JRK: variants seen among roughly 807,000 people sequenced by gnomAD.
JRK encodes the protein jerky protein homolog.
For synonymous variants in JRK, 303 were observed against 218.1 expected (o/e 1.39, Z -3.43); for missense variants, 720 against 509.2 (o/e 1.41, Z -3.98).
rs2129693753 is a variant in JRK at position 142,659,435 on chromosome 8, C to T, written c.*4917G>A. 1.0e-6 allele frequency: 1 copy of T among 986,286 alleles called. No homozygotes were observed. Among genetic ancestry groups the T allele is most frequent in the Middle Eastern group, 5.2e-4 (1 of 1,912 alleles). 61.1% of individuals were successfully genotyped at this position (986,286 alleles called of 1,614,324 possible). A position where few individuals can be genotyped will look rare whatever the true frequency, so the allele number is the denominator to read the frequency against. On this transcript the variant is annotated 3_prime_UTR_variant, in exon 2 of 2. Transcript: ENST00000612905. The stretch of plus-strand genomic sequence containing the variant: ...CCTGCAGACATAGAGGGCCTTTGAG[C>T]ACCTCGTAGCTTGCTTCCCAGCCAG...
At chr8:142,669,682 T>C (rs1412374824) in intron 1 of JRK, among the ~76,000 whole-genome samples, 1 of 151,086 alleles carries the variant, frequency 6.6e-6, no homozygotes, top group African/African-American at 2.4e-5. Context: ...GGCCGCGCGC[T>C]CAGGCCGCGG....
At position 142,665,954 on chromosome 8, in the gene JRK, G is replaced by A. The variant is rs375007556; in HGVS notation, c.105C>T (p.Gly35=). 6.2e-5 allele frequency: 59 copies of A among 951,010 alleles called. No individual in the cohort carries two copies. The highest frequency in any genetic ancestry group is 8.7e-5 in the Non-Finnish European group (50 of 574,358). 58.9% of individuals were successfully genotyped at this position (951,010 alleles called of 1,614,324 possible). A position where few individuals can be genotyped will look rare whatever the true frequency, so the allele number is the denominator to read the frequency against. ...KIDICTRLEK[G]ESRKALMQEY... ...CCTGCATCAGTGCCTTCCGGCTCTC[G>A]CCCTTCTCCAGGCGCGTGCAGATGT... The change falls in exon 2 of 2, where the codon GGC becomes GGT. Residue 35 remains glycine (G), a synonymous_variant. Transcript: ENST00000612905.
chr8:142,662,263 A>G lies in JRK; in HGVS notation c.*2089T>C. ...TCTGACAGGGACAAGCCATGTCCAG[A>G]GGACTCAGGAGAGCCAGCCAGGAGC... On this transcript the variant is annotated 3_prime_UTR_variant, in exon 2 of 2. Coordinates refer to ENST00000612905, the MANE Select transcript of JRK (RefSeq NM_003724.4). 1.0e-6 allele frequency: 1 copy of G among 985,680 alleles called. No individual in the cohort carries two copies. The highest frequency in any genetic ancestry group is 1.7e-5 in the African/African-American group (1 of 57,376). 61.1% of individuals were successfully genotyped at this position (985,680 alleles called of 1,614,324 possible). A position where few individuals can be genotyped will look rare whatever the true frequency, so the allele number is the denominator to read the frequency against.
downstream of JRK, among the ~76,000 whole-genome samples, chr8:142,653,198 C>T (rs951417627): frequency 1.3e-5 from 2 of 152,310 alleles, no homozygotes; most frequent in Non-Finnish European, 2.9e-5. Flanking sequence ...GCCCTTCCCA[C>T]GACTAAGCCA....
chr8:142,659,246 GGCCCA>G lies in JRK; in HGVS notation c.*5101_*5105del. 9.1e-7 allele frequency: 1 copy of G among 1,104,162 alleles called. No individual in the cohort carries two copies. Among genetic ancestry groups the G allele is most frequent in the South Asian group, 2.9e-5 (1 of 34,382 alleles). The allele number at this position is 1,104,162 out of a possible 1,614,324, so 68.4% of individuals were successfully genotyped here. On this transcript the variant is annotated 3_prime_UTR_variant, in exon 2 of 2. Transcript: ENST00000612905. ...ACCCAAGACCTCGAGAGAGGAAATG[GGCCCA>G]GGGACATGCCTTGGCTTGGGGTGGC...
rs376598449 is a variant in JRK, at chr8:142,665,702, G to A, written c.357C>T (p.Phe119=). 1.3e-6 allele frequency: 1 copy of A among 750,140 alleles called. No individual in the cohort carries two copies. The highest frequency in any genetic ancestry group is 2.5e-5 in the East Asian group (1 of 39,622). 46.5% of individuals were successfully genotyped at this position (750,140 alleles called of 1,614,324 possible). A position where few individuals can be genotyped will look rare whatever the true frequency, so the allele number is the denominator to read the frequency against. ...GCTCAGTGAGCTGCATCTGCTCGTA[G>A]AAGTCCTTGGCCTTCTCGATGAGCA... The part of the protein sequence containing the change: ...GPMLIEKAKD[F]YEQMQLTEPC... The change falls in exon 2 of 2, where the codon TTC becomes TTT. Residue 119 remains phenylalanine, a synonymous_variant. Coordinates refer to ENST00000612905, the MANE Select transcript of JRK (RefSeq NM_003724.4).
In JRK at chr8:142,664,264, G is replaced by A; in HGVS notation, c.*88C>T. On this transcript the variant is annotated 3_prime_UTR_variant, in exon 2 of 2. Coordinates refer to ENST00000612905, the MANE Select transcript of JRK (RefSeq NM_003724.4). Reference sequence around the variant, plus strand: ...CTTGAGTGTCTGCACATGCCCTCCTGCCTCAGGTGGGGTCGGGGCACAGGA... The same window carrying A: ...CTTGAGTGTCTGCACATGCCCTCCTACCTCAGGTGGGGTCGGGGCACAGGA... The A allele has an allele frequency of 6.9e-7, 1 of 1,451,208 alleles. No homozygotes were observed. Among genetic ancestry groups the A allele is most frequent in the Non-Finnish European group, 9.1e-7 (1 of 1,099,398 alleles). The allele number at this position is 1,451,208 out of a possible 1,614,324, so 89.9% of individuals were successfully genotyped here. A position where few individuals can be genotyped will look rare whatever the true frequency, so the allele number is the denominator to read the frequency against.
chr8:142,646,266 T>A, the JRK span, among the ~76,000 whole-genome samples: 2 of 152,350 alleles, frequency 1.3e-5, no homozygotes, highest in East Asian at 3.9e-4. Flanking sequence ...GCCTTGAACC[T>A]CCAAGCTGTC....
At position 142,665,519 on chromosome 8, in the gene JRK, G is replaced by A. The variant is rs782617953; in HGVS notation, c.540C>T (p.Ala180=). The change falls in exon 2 of 2, where the codon GCC becomes GCT. Residue 180 remains alanine (A), a synonymous_variant. Transcript: ENST00000612905. ...RSLAAEHGLS[A]EQVYNADETG... ...TCTCATCAGCGTTGTAAACCTGCTC[G>A]GCGGACAGCCCGTGCTCAGCAGCCA... The A allele has an allele frequency of 1.1e-5, 8 of 718,156 alleles. No homozygotes were observed. The highest frequency in any genetic ancestry group is 1.6e-5 in the Non-Finnish European group (6 of 385,090). The allele number at this position is 718,156 out of a possible 1,614,324, so 44.5% of individuals were successfully genotyped here. A position where few individuals can be genotyped will look rare whatever the true frequency, so the allele number is the denominator to read the frequency against.
chr8:142,655,964 T>C (rs1304554324), downstream of JRK, among the ~76,000 whole-genome samples: 2 of 152,234 alleles, frequency 1.3e-5, no homozygotes, highest in East Asian at 1.9e-4. Flanking sequence ...TGAGGCAATA[T>C]TGGCTCACCC....
chr8:142,669,955 G>C lies in JRK; in HGVS notation c.-486C>G, dbSNP rs1458125453. On this transcript the variant is annotated 5_prime_UTR_variant, in exon 1 of 2. Coordinates refer to ENST00000612905, the MANE Select transcript of JRK (RefSeq NM_003724.4). ...ACCCTGCTCACCCGGAGCAGCCGCCGCCGGCCGGAAGTGCCGGCCACTCGG... is the reference window on the plus strand; with the variant it reads ...ACCCTGCTCACCCGGAGCAGCCGCCCCCGGCCGGAAGTGCCGGCCACTCGG... 6.5e-6 allele frequency: 1 copy of C among 153,628 alleles called. No individual in the cohort carries two copies. Among genetic ancestry groups the C allele is most frequent in the Non-Finnish European group, 1.5e-5 (1 of 68,812 alleles). The allele number at this position is 153,628 out of a possible 1,614,324, so 9.5% of individuals were successfully genotyped here.
chr8:142,644,003 T>A, the JRK span, among the ~76,000 whole-genome samples: 1 of 152,212 alleles, frequency 6.6e-6, no homozygotes, highest in African/African-American at 2.4e-5. Context: ...TTAACAACAT[T>A]TTAAGTGAAA....
Position 142,664,636 on chromosome 8 carries a change from C to T in JRK, c.1423G>A (p.Gly475Ser), listed in dbSNP as rs374395927. The stretch of plus-strand genomic sequence containing the variant: ...TCGCCCTCACCAGGATCTCCTCTGC[C>T]GTCCTGGTCAGCTTTCGGAGTCTTT... ...SEKTPKADQD[G>S]RGDPGEGEEV... The change falls in exon 2 of 2, where the codon GGC becomes AGC. Residue 475 changes from glycine (G) to serine (S), a missense_variant. Gly to Ser is a moderately conservative substitution (Grantham distance 56). Coordinates refer to ENST00000612905, the MANE Select transcript of JRK (RefSeq NM_003724.4). 2.3e-5 allele frequency: 37 copies of T among 1,611,364 alleles called. No homozygotes were observed. The highest frequency in any genetic ancestry group is 2.9e-5 in the Non-Finnish European group (34 of 1,179,358).
In JRK at chr8:142,660,799, C is replaced by CA; in HGVS notation, c.*3552dup. 2.0e-6 allele frequency: 2 copies of CA among 985,530 alleles called. No homozygotes were observed. The highest frequency in any genetic ancestry group is 2.4e-6 in the Non-Finnish European group (2 of 830,024). The allele number at this position is 985,530 out of a possible 1,614,324, so 61.0% of individuals were successfully genotyped here. A position where few individuals can be genotyped will look rare whatever the true frequency, so the allele number is the denominator to read the frequency against. ...CCCAAGTTGTCGCTGCCCTGTGCCA[C>CA]AGCCTCCCAAGAATGGATGCAGTCT... On this transcript the variant is annotated 3_prime_UTR_variant, in exon 2 of 2. Transcript: ENST00000612905.
chr8:142,654,267 T>G (rs1414494030), downstream of JRK, among the ~76,000 whole-genome samples: 1 of 152,146 alleles, frequency 6.6e-6, no homozygotes, highest in Non-Finnish European at 1.5e-5. Flanking sequence ...GCACACCTGC[T>G]GCCCTCCTGG....
chr8:142,654,170 T>C (rs73377797), downstream of JRK, among the ~76,000 whole-genome samples: 1,831 of 152,198 alleles, frequency 0.012, 34 homozygotes, highest in African/African-American at 0.042. Context: ...AAGGACACTG[T>C]TCTGTGGCCC....
rs1846789325 is a variant in JRK, at chr8:142,657,877, C to T, written c.*6475G>A. On this transcript the variant is annotated 3_prime_UTR_variant, in exon 2 of 2. Transcript: ENST00000612905. The stretch of plus-strand genomic sequence containing the variant: ...CAGACAGTTGAGCTGTTTCATTAGC[C>T]CTGATTTCCCTTCTCAACTAGTATG... The T allele has an allele frequency of 6.6e-6, 1 of 152,254 alleles. No homozygotes were observed. The highest frequency in any genetic ancestry group is 1.5e-5 in the Non-Finnish European group (1 of 68,054). 9.4% of individuals were successfully genotyped at this position (152,254 alleles called of 1,614,324 possible). A position where few individuals can be genotyped will look rare whatever the true frequency, so the allele number is the denominator to read the frequency against.
intron 1 of JRK, among the ~76,000 whole-genome samples, chr8:142,666,732 GC>G (rs1397471303): frequency 1.3e-5 from 2 of 152,180 alleles, no homozygotes; most frequent in Admixed American, 1.3e-4. Context: ...GGTGGACTCT[GC>G]CCAACTCCCA....
the JRK span, among the ~76,000 whole-genome samples, chr8:142,649,715 A>G: frequency 1.3e-5 from 2 of 152,206 alleles, no homozygotes; most frequent in African/African-American, 4.8e-5. Flanking sequence ...CAGAGGGTGT[A>G]TGGAAACGAC....
Sources: allele counts gnomAD v4.1 joint callset (sites outside exome capture counted in the v4.1 genomes callset), GRCh38; gene constraint gnomAD v4.1.1; transcripts MANE v1.5; gene names NCBI Gene and HGNC (gene_info 2026-07-23, HGNC 2026-07-21).